LOC128706666: variants seen among roughly 807,000 people sequenced by gnomAD.
the LOC128706666 span, among the ~76,000 whole-genome samples, chr20:10,424,406 C>T: frequency 6.6e-6 from 1 of 151,920 alleles, no homozygotes; most frequent in Non-Finnish European, 1.5e-5. Context: ...AAAGAAAAAA[C>T]ATATATTTTT....
At chr20:10,421,625 C>T in the LOC128706666 span, among the ~76,000 whole-genome samples, 5 of 151,950 alleles carry the variant, frequency 3.3e-5, no homozygotes, top group African/African-American at 9.7e-5. Context: ...GAATGTAATG[C>T]CATTTCCACA....
the LOC128706666 span, among the ~76,000 whole-genome samples, chr20:10,431,314 T>C: frequency 6.6e-6 from 1 of 152,038 alleles, no homozygotes; most frequent in African/African-American, 2.4e-5. Flanking sequence ...ATTCACAATA[T>C]TTAGGGATTA....
At chr20:10,429,315 T>C in the LOC128706666 span, among the ~76,000 whole-genome samples, 7 of 152,198 alleles carry the variant, frequency 4.6e-5, no homozygotes, top group African/African-American at 1.7e-4. Context: ...TAGTCTCCTT[T>C]AATAGCCTGC....
chr20:10,434,222 C>G, the LOC128706666 span: 4 of 152,256 alleles, frequency 2.6e-5, no homozygotes, highest in Non-Finnish European at 5.9e-5. Flanking sequence ...CGCGAGGGCA[C>G]GGAGCACGCG....
chr20:10,428,911 T>C, the LOC128706666 span, among the ~76,000 whole-genome samples: 1 of 152,184 alleles, frequency 6.6e-6, no homozygotes, highest in Non-Finnish European at 1.5e-5. Flanking sequence ...ATTACCTGTG[T>C]TCCAGTCCCA....
At chr20:10,414,262 A>G in the LOC128706666 span, among the ~76,000 whole-genome samples, 4 of 135,806 alleles carry the variant, frequency 2.9e-5, no homozygotes, top group East Asian at 2.4e-4. Flanking sequence ...TAGGTCTCTG[A>G]GTCTTTTTTT....
At chr20:10,428,077 T>C in the LOC128706666 span, among the ~76,000 whole-genome samples, 2 of 152,246 alleles carry the variant, frequency 1.3e-5, no homozygotes, top group African/African-American at 4.8e-5. Flanking sequence ...ATAAGTCTTA[T>C]ATGGGGGTTT....
chr20:10,422,219 T>C, the LOC128706666 span, among the ~76,000 whole-genome samples: 9 of 152,146 alleles, frequency 5.9e-5, no homozygotes, highest in African/African-American at 1.9e-4. Context: ...TATAAGGACT[T>C]TGTGGCAAAA....
At chr20:10,420,568 T>C in the LOC128706666 span, 2 of 152,230 alleles carry the variant, frequency 1.3e-5, no homozygotes, top group Non-Finnish European at 2.9e-5. Flanking sequence ...GATTTGGCTC[T>C]TCTGAAGATT....
At chr20:10,422,151 T>C in the LOC128706666 span, among the ~76,000 whole-genome samples, 34 of 152,284 alleles carry the variant, frequency 2.2e-4, no homozygotes, top group Non-Finnish European at 4.1e-4. Context: ...CTTATAGCTA[T>C]GAACATGTTA....
chr20:10,429,414 T>C, the LOC128706666 span, among the ~76,000 whole-genome samples: 1 of 152,234 alleles, frequency 6.6e-6, no homozygotes, highest in African/African-American at 2.4e-5. Flanking sequence ...CCCAAACTTC[T>C]ATGATCATGC....
the LOC128706666 span, among the ~76,000 whole-genome samples, chr20:10,428,039 T>C: frequency 6.6e-6 from 1 of 152,252 alleles, no homozygotes. Flanking sequence ...TTAATGTATT[T>C]GTAAATAAAA....
chr20:10,413,810 T>C, the LOC128706666 span: 1 of 526,644 alleles, frequency 1.9e-6, no homozygotes, highest in Non-Finnish European at 3.3e-6. Context: ...GCAAAAAGTA[T>C]GTTCCAAGAT....
the LOC128706666 span, among the ~76,000 whole-genome samples, chr20:10,423,374 A>C: frequency 1.7e-4 from 26 of 152,304 alleles, no homozygotes; most frequent in African/African-American, 5.5e-4. Context: ...GTGAGCTGAG[A>C]TAACACCATT....
the LOC128706666 span, among the ~76,000 whole-genome samples, chr20:10,428,810 C>T: frequency 5.3e-4 from 81 of 151,786 alleles, no homozygotes; most frequent in African/African-American, 1.9e-3. Flanking sequence ...CGCCATTGCA[C>T]TCCAGCCTAG....
chr20:10,418,241 A>C, the LOC128706666 span, among the ~76,000 whole-genome samples: 20,900 of 152,206 alleles, frequency 0.14, 1,572 homozygotes, highest in East Asian at 0.24. Context: ...AGATGGATAA[A>C]AGAAGACTGG....
chr20:10,418,101 C>T, the LOC128706666 span, among the ~76,000 whole-genome samples: 1 of 152,092 alleles, frequency 6.6e-6, no homozygotes, highest in Non-Finnish European at 1.5e-5. Context: ...TTAAGTTTTT[C>T]TAGGTGATAA....
chr20:10,413,975 G>A, the LOC128706666 span: 1 of 401,570 alleles, frequency 2.5e-6, no homozygotes, highest in Non-Finnish European at 4.4e-6. Flanking sequence ...TACTTCCCAA[G>A]CAGTTTGTAG....
chr20:10,423,838 T>C, the LOC128706666 span, among the ~76,000 whole-genome samples: 22 of 152,342 alleles, frequency 1.4e-4, no homozygotes, highest in South Asian at 4.4e-3. Context: ...GAAAACTCTA[T>C]TTGCTAAACA....
Sources: allele counts gnomAD v4.1 joint callset (sites outside exome capture counted in the v4.1 genomes callset), GRCh38; gene constraint gnomAD v4.1.1; transcripts MANE v1.5.